The following ARHGEF38 variants were observed in gnomAD, a reference collection of about 807,000 sequenced individuals.
ARHGEF38 encodes the protein Rho guanine nucleotide exchange factor 38.
A neutral mutation model predicts 79.9 loss-of-function variants in ARHGEF38; 79 were observed. That is an observed-to-expected ratio of 0.99 (90% CI 0.82 to 1.19). ARHGEF38 has a LOEUF of 1.19. Among genes scored for constraint, ARHGEF38 ranks in the 50% most tolerant of loss-of-function variants. The probability of loss-of-function intolerance (pLI) is 0.00; values close to 1 mark genes in which losing one functional copy is unlikely to be tolerated. For synonymous variants in ARHGEF38, 366 were observed against 328.3 expected, an observed-to-expected ratio of 1.11 and a Z score of -1.24; for missense variants, 962 against 907.2, an observed-to-expected ratio of 1.06 and a Z score of -0.78.
chr4:105,553,177 T>A (rs1448875496), intron 1 of ARHGEF38, among the ~76,000 whole-genome samples: 1 of 152,148 alleles, frequency 6.6e-6, no homozygotes, highest in African/African-American at 2.4e-5. Context: ...TCCGAATTAC[T>A]CTTAATATTG....
intron 8 of ARHGEF38, among the ~76,000 whole-genome samples, chr4:105,654,534 C>T (rs1467797958): frequency 6.6e-6 from 1 of 151,984 alleles, no homozygotes; most frequent in African/African-American, 2.4e-5. Flanking sequence ...CTTTCTAGTA[C>T]CTAAAATAAG....
intron 1 of ARHGEF38, among the ~76,000 whole-genome samples, chr4:105,573,350 C>A (rs1222635336): frequency 6.6e-6 from 1 of 152,022 alleles, no homozygotes; most frequent in Non-Finnish European, 1.5e-5. Flanking sequence ...CCTATGTTTT[C>A]CTTTACAAGT....
chr4:105,561,469 A>AGAATGGAATGGAATGGAATGGAATG lies in ARHGEF38; in HGVS notation c.196+8512_196+8513insGGAATGGAATGGAATGGAATGGAAT, dbSNP rs1491172509. On this transcript the variant is annotated intron_variant, in intron 1 of 13. Transcript: ENST00000420470. ...AGAATGGAATAGAATAGAATAGAATAGAATAGAATAGAATAGAATAGAATA... is the reference window on the plus strand; with the variant it reads ...AGAATGGAATAGAATAGAATAGAATAGAATGGAATGGAATGGAATGGAATGGAATAGAATAGAATAGAATAGAATA... 124 of 49,672 alleles carry AGAATGGAATGGAATGGAATGGAATG rather than the reference A, an allele frequency of 2.5e-3. 8 individuals carry two copies. Among genetic ancestry groups the AGAATGGAATGGAATGGAATGGAATG allele is most frequent in the Non-Finnish European group, 3.8e-3 (93 of 24,558 alleles). The allele number at this position is 49,672 out of a possible 1,614,324, so 3.1% of individuals were successfully genotyped here.
intron 2 of ARHGEF38, among the ~76,000 whole-genome samples, chr4:105,608,784 T>C (rs929079392): frequency 6.6e-6 from 1 of 151,888 alleles, no homozygotes; most frequent in South Asian, 2.1e-4. Context: ...GTCATGGGGG[T>C]TTGTTGTACA....
At chr4:105,593,067 C>CA (rs1481415703) in intron 2 of ARHGEF38, among the ~76,000 whole-genome samples, 1 of 151,784 alleles carries the variant, frequency 6.6e-6, no homozygotes, top group African/African-American at 2.4e-5. Flanking sequence ...ACAAACAAAC[C>CA]AAAAAAATTG....
At chr4:105,652,713 A>G (rs1730155449) in intron 7 of ARHGEF38, among the ~76,000 whole-genome samples, 1 of 131,288 alleles carries the variant, frequency 7.6e-6, no homozygotes, top group Admixed American at 7.0e-5. Flanking sequence ...GCCTCCTTGG[A>G]AACTGCATTT....
At chr4:105,572,215 T>G (rs1263860520) in intron 1 of ARHGEF38, among the ~76,000 whole-genome samples, 2 of 152,120 alleles carry the variant, frequency 1.3e-5, no homozygotes, top group Non-Finnish European at 2.9e-5. Context: ...TTTTAAAACA[T>G]GACTTCTTCT....
intron 1 of ARHGEF38, among the ~76,000 whole-genome samples, chr4:105,555,289 A>C (rs1725199462): frequency 6.6e-6 from 1 of 152,198 alleles, no homozygotes; most frequent in Non-Finnish European, 1.5e-5. Flanking sequence ...TGGCCTCCTG[A>C]GAAGTAACAT....
chr4:105,680,015 G>A lies in ARHGEF38; in HGVS notation c.*2078G>A. The A allele has an allele frequency of 9.9e-7, 1 of 1,013,566 alleles. No homozygotes were observed. Among genetic ancestry groups the A allele is most frequent in the South Asian group, 1.3e-5 (1 of 79,056 alleles). The allele number at this position is 1,013,566 out of a possible 1,614,324, so 62.8% of individuals were successfully genotyped here. On this transcript the variant is annotated 3_prime_UTR_variant, in exon 14 of 14. Transcript: ENST00000420470. The stretch of plus-strand genomic sequence containing the variant: ...GCATTCTGTTTTGTGCGGATTCATG[G>A]CCATGTCAGTTACATTCTTCTTCGT...
intron 9 of ARHGEF38, among the ~76,000 whole-genome samples, chr4:105,658,680 C>T (rs766989708): frequency 6.6e-6 from 1 of 152,048 alleles, no homozygotes; most frequent in African/African-American, 2.4e-5. Context: ...TAGAGATTCC[C>T]CCCTACCCTC....
chr4:105,606,087 G>C (rs1044320723), intron 2 of ARHGEF38, among the ~76,000 whole-genome samples: 1 of 152,074 alleles, frequency 6.6e-6, no homozygotes, highest in Non-Finnish European at 1.5e-5. Context: ...CCTACAGAAG[G>C]AGTAGAGGGC....
rs935256714 is a variant in ARHGEF38, at chr4:105,666,384, A to T, written c.1689+64A>T. 37 of 1,413,368 alleles carry T rather than the reference A, an allele frequency of 2.6e-5. 1 individual carries two copies. The South Asian group carries it at 6.0e-4, about 23-fold the overall frequency. The allele number at this position is 1,413,368 out of a possible 1,614,324, so 87.6% of individuals were successfully genotyped here. The stretch of plus-strand genomic sequence containing the variant: ...CTCTTTGCCTTATCCAAGTTGTAGT[A>T]TCATATTATTTTCCAGATCACTTAT... On this transcript the variant is annotated intron_variant, in intron 11 of 13. Transcript: ENST00000420470.
intron 1 of ARHGEF38, among the ~76,000 whole-genome samples, chr4:105,564,611 AAT>A (rs1329755489): frequency 3.9e-5 from 6 of 152,226 alleles, no homozygotes; most frequent in Non-Finnish European, 5.9e-5. Flanking sequence ...TTTACTTAAA[AAT>A]AGTTAACATT....
rs530947913 is a variant in ARHGEF38, at chr4:105,579,894, T to A, written c.197-9354T>A. Among the ~76,000 whole-genome samples, 222 of 152,312 alleles carry A rather than the reference T, an allele frequency of 1.5e-3. 1 individual carries two copies. The highest frequency in any genetic ancestry group is 5.3e-3 in the African/African-American group (220 of 41,558). On this transcript the variant is annotated intron_variant, in intron 1 of 13. Coordinates refer to ENST00000420470, the MANE Select transcript of ARHGEF38 (RefSeq NM_001242729.2). ...TTTTGGTTGGTAGGCTATTTACTAC[T>A]TACTCAGTTTTGGAGCTCATTATTG... is the stretch of plus-strand genomic sequence containing the variant.
At chr4:105,576,353 G>T (rs1309888364) in intron 1 of ARHGEF38, among the ~76,000 whole-genome samples, 4 of 149,976 alleles carry the variant, frequency 2.7e-5, no homozygotes, top group African/African-American at 9.8e-5. Flanking sequence ...TCTTTGTAGA[G>T]AATTTTCACC....
At chr4:105,553,243 T>C (rs113823009) in intron 1 of ARHGEF38, among the ~76,000 whole-genome samples, 500 of 152,286 alleles carry the variant, frequency 3.3e-3, no homozygotes, top group Middle Eastern at 6.8e-3. Flanking sequence ...TCTAACTTCC[T>C]CTTTTCTTCT....
At chr4:105,592,568 C>T (rs1336901652) in intron 2 of ARHGEF38, among the ~76,000 whole-genome samples, 1 of 152,128 alleles carries the variant, frequency 6.6e-6, no homozygotes, top group African/African-American at 2.4e-5. Flanking sequence ...ATTTACTTCC[C>T]TGCAACAACT....
intron 7 of ARHGEF38, among the ~76,000 whole-genome samples, chr4:105,653,588 T>TG (rs1730199956): frequency 6.6e-6 from 1 of 152,222 alleles, no homozygotes; most frequent in Non-Finnish European, 1.5e-5. Context: ...CCCAAAGTGC[T>TG]GGGATTACAG....
chr4:105,681,152 T>C (rs1434003623), downstream of ARHGEF38, among the ~76,000 whole-genome samples: 1 of 152,140 alleles, frequency 6.6e-6, no homozygotes, highest in Non-Finnish European at 1.5e-5. Context: ...ATTATTTACA[T>C]ATAGGGTAAA....
Sources: allele counts gnomAD v4.1 joint callset (sites outside exome capture counted in the v4.1 genomes callset), GRCh38; gene constraint gnomAD v4.1.1; transcripts MANE v1.5; gene names NCBI Gene and HGNC (gene_info 2026-07-23, HGNC 2026-07-21).